SLC35F3: variants seen among roughly 807,000 people sequenced by gnomAD.
SLC35F3 encodes the protein solute carrier family 35 member F3.
In SLC35F3, 25 loss-of-function variants were observed where a neutral mutation model predicts 49.9. The ratio of observed to expected loss-of-function variants is 0.50; its 90% confidence interval spans 0.37 to 0.70. The LOEUF (loss-of-function observed/expected upper bound fraction) is 0.70. SLC35F3 is among the 30% of genes least tolerant of loss of function. The pLI, the probability that SLC35F3 is intolerant of heterozygous loss-of-function variation, is 0.00. For missense variants in SLC35F3, 525 were observed against 639.8 expected, an observed-to-expected ratio of 0.82 and a Z score of 1.94; for synonymous variants, 275 against 265.4, an observed-to-expected ratio of 1.04 and a Z score of -0.35.
intron 3 of SLC35F3, among the ~76,000 whole-genome samples, chr1:234,268,202 C>T (rs1329372895): frequency 1.3e-5 from 2 of 152,304 alleles, no homozygotes; most frequent in South Asian, 2.1e-4. Context: ...TCTGCAATCC[C>T]GGCACCTCGG....
chr1:234,271,144 TAGTC>T (rs1477860058), intron 3 of SLC35F3, among the ~76,000 whole-genome samples: 1 of 152,194 alleles, frequency 6.6e-6, no homozygotes, highest in Admixed American at 6.5e-5. Context: ...CTTTCTAAAA[TAGTC>T]AGAGGCCAGC....
intron 2 of SLC35F3, among the ~76,000 whole-genome samples, chr1:234,150,054 C>T (rs976524500): frequency 6.6e-6 from 1 of 152,224 alleles, no homozygotes; most frequent in Non-Finnish European, 1.5e-5. Flanking sequence ...ATCCCATAGA[C>T]TTTGGCTCCA....
intron 2 of SLC35F3, among the ~76,000 whole-genome samples, chr1:234,055,591 C>T (rs756826020): frequency 1.3e-5 from 2 of 152,208 alleles, no homozygotes; most frequent in Non-Finnish European, 1.5e-5. Flanking sequence ...AATTCCTCAA[C>T]CCCTTGTGCT....
intron 3 of SLC35F3, among the ~76,000 whole-genome samples, chr1:234,248,319 G>C (rs1314386486): frequency 7.0e-6 from 1 of 142,304 alleles, no homozygotes; most frequent in Non-Finnish European, 1.5e-5. Flanking sequence ...CCATTGTTTG[G>C]TGGGTTGGTT....
Position 234,236,925 on chromosome 1 carries a change from T to TATA in SLC35F3, c.608+5184_608+5185insATA, listed in dbSNP as rs1491285612. Among the ~76,000 whole-genome samples the TATA allele has an allele frequency of 9.5e-4, 91 of 96,270 alleles. 2 individuals are homozygous for TATA. The highest frequency in any genetic ancestry group is 3.3e-3 in the African/African-American group (82 of 24,664). 63.2% of individuals were successfully genotyped at this position (96,270 alleles called of 152,430 possible). On this transcript the variant is annotated intron_variant, in intron 3 of 7. Transcript: ENST00000366618. The stretch of plus-strand genomic sequence containing the variant: ...AGACAGTCTCCTATTAAAAAAAAAA[T>TATA]TATATATATATATATATATATATAT...
At chr1:234,127,374 A>C (rs1211924146) in intron 2 of SLC35F3, among the ~76,000 whole-genome samples, 1 of 152,146 alleles carries the variant, frequency 6.6e-6, no homozygotes, top group Non-Finnish European at 1.5e-5. Flanking sequence ...CATTGCACCT[A>C]TTTTGATGAA....
rs1665623444 is a variant in SLC35F3 at position 234,124,747 on chromosome 1, A to T, written c.284-106670A>T. 1.3e-5 allele frequency among the ~76,000 whole-genome samples: 2 copies of T among 152,210 alleles called. 1 individual carries two copies. Among genetic ancestry groups the T allele is most frequent in the South Asian group, 4.1e-4 (2 of 4,834 alleles). ...TCCGAGCATGGTACTGCATACCTGT[A>T]GCCCCAGCTACTCAGGAAGCTGAGG... On this transcript the variant is annotated intron_variant, in intron 2 of 7. Coordinates refer to ENST00000366618, the MANE Select transcript of SLC35F3 (RefSeq NM_173508.4).
In SLC35F3 at chr1:233,989,145, C is replaced by T. The variant is rs78559420; in HGVS notation, c.283+83387C>T. ...TGGTACCAGAGGAGTATAGGGAACT[C>T]CCTGACATAGCAAGCTGGACAGTGG... On this transcript the variant is annotated intron_variant, in intron 2 of 7. Coordinates refer to ENST00000366618, the MANE Select transcript of SLC35F3 (RefSeq NM_173508.4). Among the ~76,000 whole-genome samples, 1,465 of 152,312 alleles carry T rather than the reference C, an allele frequency of 9.6e-3. 14 individuals carry two copies. The highest frequency in any genetic ancestry group is 0.015 in the Non-Finnish European group (1,017 of 68,018).
At chr1:234,004,351 AT>A (rs1176637799) in intron 2 of SLC35F3, among the ~76,000 whole-genome samples, 1 of 152,218 alleles carries the variant, frequency 6.6e-6, no homozygotes, top group African/African-American at 2.4e-5. Context: ...TCTCAGAAAT[AT>A]TTCTCAGTTA....
chr1:234,027,519 A>C lies in SLC35F3; in HGVS notation c.283+121761A>C, dbSNP rs1173147759. Among the ~76,000 whole-genome samples the C allele has an allele frequency of 6.6e-6, 1 of 152,222 alleles. No homozygotes were observed. The highest frequency in any genetic ancestry group is 2.4e-5 in the African/African-American group (1 of 41,460). ...ATTTCAGTCCATTCGGTAGTGGTTTAAAGAATGGAGAGTGGGGTCTTAGAC... is the reference window on the plus strand; with the variant it reads ...ATTTCAGTCCATTCGGTAGTGGTTTCAAGAATGGAGAGTGGGGTCTTAGAC... On this transcript the variant is annotated intron_variant, in intron 2 of 7. Coordinates refer to ENST00000366618, the MANE Select transcript of SLC35F3 (RefSeq NM_173508.4). The surrounding 1 kb of genome is among the most constrained non-coding windows in gnomAD (Gnocchi z 4.1).
intron 2 of SLC35F3, among the ~76,000 whole-genome samples, chr1:233,936,106 A>G (rs1228572527): frequency 6.6e-6 from 1 of 152,280 alleles, no homozygotes; most frequent in Non-Finnish European, 1.5e-5. Context: ...AGTGTTAACT[A>G]TGTATTTGTT....
intron 2 of SLC35F3, among the ~76,000 whole-genome samples, chr1:234,130,412 G>A (rs199996738): frequency 1.6e-4 from 24 of 151,632 alleles, no homozygotes; most frequent in Middle Eastern, 3.4e-3. Flanking sequence ...AGGCCGAGGC[G>A]GGCAGATCAC....
chr1:234,265,491 C>T (rs975500710), intron 3 of SLC35F3, among the ~76,000 whole-genome samples: 65 of 151,830 alleles, frequency 4.3e-4, no homozygotes, highest in African/African-American at 1.6e-3. Context: ...ATTTCTGATG[C>T]CTGTCTTTCC....
intron 2 of SLC35F3, among the ~76,000 whole-genome samples, chr1:234,069,196 A>G (rs1259851926): frequency 4.4e-4 from 62 of 140,408 alleles, no homozygotes; most frequent in Non-Finnish European, 7.5e-4. Context: ...TTATATATAA[A>G]TACATATTTA....
At chr1:234,115,831 A>G (rs1251789350) in intron 2 of SLC35F3, among the ~76,000 whole-genome samples, 1 of 151,664 alleles carries the variant, frequency 6.6e-6, no homozygotes, top group Non-Finnish European at 1.5e-5. Flanking sequence ...ACTTATCTCA[A>G]TCAGTTTTGA....
At chr1:234,307,085 C>T (rs1657216346) in intron 3 of SLC35F3, among the ~76,000 whole-genome samples, 1 of 152,228 alleles carries the variant, frequency 6.6e-6, no homozygotes, top group South Asian at 2.1e-4. Context: ...CATTCACGGT[C>T]ACTGCCCCTG....
intron 2 of SLC35F3, among the ~76,000 whole-genome samples, chr1:234,146,311 A>T (rs1038986515): frequency 1.3e-5 from 2 of 152,014 alleles, no homozygotes; most frequent in Admixed American, 6.6e-5. Context: ...TCACCTCACA[A>T]GACAAATATT....
intron 2 of SLC35F3, among the ~76,000 whole-genome samples, chr1:234,078,974 G>A (rs910998427): frequency 5.9e-5 from 9 of 152,094 alleles, no homozygotes; most frequent in South Asian, 2.1e-4. Context: ...AATCAAAAGC[G>A]GTTCTAAATT....
chr1:233,931,133 A>G (rs561657466), intron 2 of SLC35F3, among the ~76,000 whole-genome samples: 1 of 152,354 alleles, frequency 6.6e-6, no homozygotes, highest in Non-Finnish European at 1.5e-5. Flanking sequence ...TACAAAAATC[A>G]ACTCAAGATG....
Sources: allele counts gnomAD v4.1 joint callset (sites outside exome capture counted in the v4.1 genomes callset), GRCh38; gene constraint gnomAD v4.1.1; non-coding constraint Gnocchi (gnomAD v3.1); transcripts MANE v1.5; gene names NCBI Gene and HGNC (gene_info 2026-07-23, HGNC 2026-07-21).